Variants in WWOX observed in about 807,000 individuals in gnomAD.
The protein encoded by WWOX is WW domain-containing oxidoreductase.
A neutral mutation model predicts 46.2 loss-of-function variants in WWOX; 69 were observed. That is an observed-to-expected ratio of 1.49 (90% CI 1.23 to 1.82). The LOEUF (loss-of-function observed/expected upper bound fraction) is 1.82, where lower values mean the gene tolerates loss of function less well. Among genes scored for constraint, WWOX ranks in the 40% most tolerant of loss-of-function variants. The pLI is 0.00. For missense variants in WWOX, 919 were observed against 542.6 expected, an observed-to-expected ratio of 1.69 and a Z score of -6.89; for synonymous variants, 359 against 202.6, an observed-to-expected ratio of 1.77 and a Z score of -6.56.
intron 8 of WWOX, among the ~76,000 whole-genome samples, chr16:78,984,845 A>G (rs1053879279): frequency 2.0e-5 from 3 of 152,196 alleles, no homozygotes; most frequent in African/African-American, 7.2e-5. Context: ...AGAAAGGAGA[A>G]AGACGAGGAA....
intron 8 of WWOX, among the ~76,000 whole-genome samples, chr16:78,571,658 C>T (rs967341115): frequency 3.9e-5 from 6 of 152,112 alleles, no homozygotes; most frequent in Admixed American, 3.3e-4. Context: ...TACTTGAGGT[C>T]AGAAGCTCCA....
At chr16:78,667,041 C>T (rs1344755066) in intron 8 of WWOX, among the ~76,000 whole-genome samples, 1 of 152,186 alleles carries the variant, frequency 6.6e-6, no homozygotes, top group African/African-American at 2.4e-5. Flanking sequence ...AATTAAAAGT[C>T]TCTTACATAA....
intron 8 of WWOX, among the ~76,000 whole-genome samples, chr16:78,751,599 C>G (rs555330058): frequency 2.6e-5 from 4 of 151,472 alleles, no homozygotes; most frequent in South Asian, 2.1e-4. Context: ...ATTCTTCCAT[C>G]AGTCATGCAT....
chr16:79,050,679 T>A (rs1038673515), intron 8 of WWOX, among the ~76,000 whole-genome samples: 1 of 152,078 alleles, frequency 6.6e-6, no homozygotes, highest in Non-Finnish European at 1.5e-5. Flanking sequence ...TGACATGACT[T>A]CCGTTACAAT....
At position 78,150,848 on chromosome 16, in the gene WWOX, C is replaced by T. The variant is rs72804914; in HGVS notation, c.410-13335C>T. On this transcript the variant is annotated intron_variant, in intron 4 of 8. Coordinates refer to ENST00000566780, the MANE Select transcript of WWOX (RefSeq NM_016373.4). ...AATTGTGAATAATAAAAGACTCTCCCCTCACCCACATTGCTCAGAAAATTT... is the reference window on the plus strand; with the variant it reads ...AATTGTGAATAATAAAAGACTCTCCTCTCACCCACATTGCTCAGAAAATTT... Among the ~76,000 whole-genome samples the T allele has an allele frequency of 3.2e-3, 485 of 152,156 alleles. 4 individuals are homozygous for T. The highest frequency in any genetic ancestry group is 5.7e-3 in the Non-Finnish European group (388 of 68,010).
intron 5 of WWOX, among the ~76,000 whole-genome samples, chr16:78,215,815 A>G (rs948694801): frequency 1.3e-5 from 2 of 151,786 alleles, no homozygotes; most frequent in South Asian, 2.1e-4. Context: ...AATCCCAGCT[A>G]TTTGGGACCC....
chr16:78,749,887 C>A (rs1169050734), intron 8 of WWOX, among the ~76,000 whole-genome samples: 7 of 152,136 alleles, frequency 4.6e-5, no homozygotes, highest in Admixed American at 3.9e-4. Flanking sequence ...GTTTGACTTT[C>A]TTCACTTTGA....
At chr16:79,174,840 A>G (rs546401330) in intron 8 of WWOX, among the ~76,000 whole-genome samples, 1 of 152,246 alleles carries the variant, frequency 6.6e-6, no homozygotes, top group Non-Finnish European at 1.5e-5. Context: ...TAAAAAGATG[A>G]TGAATAAAGT....
chr16:78,508,550 A>G (rs1213599070), intron 8 of WWOX, among the ~76,000 whole-genome samples: 1 of 152,156 alleles, frequency 6.6e-6, no homozygotes, highest in African/African-American at 2.4e-5. Context: ...CCTCACACCC[A>G]GTCCCTATTC....
chr16:78,645,166 G>C lies in WWOX; in HGVS notation c.1056+212414G>C, dbSNP rs7189040. Among the ~76,000 whole-genome samples, 11 of 152,026 alleles carry C rather than the reference G, an allele frequency of 7.2e-5. No individual in the cohort carries two copies. The South Asian group carries it at 2.1e-3, about 29-fold the overall frequency. On this transcript the variant is annotated intron_variant, in intron 8 of 8. Transcript: ENST00000566780. ...AGAATCTGTCAAGCTCTTTCCTATC[G>C]AAGGGTTTTTTCCATGTACTGGTTT...
intron 8 of WWOX, among the ~76,000 whole-genome samples, chr16:78,434,118 G>A (rs1490836086): frequency 6.6e-6 from 1 of 152,182 alleles, no homozygotes; most frequent in Admixed American, 6.5e-5. Context: ...CACATCAAAA[G>A]TCTTTTGAAG....
chr16:79,169,045 C>T (rs916389171), intron 8 of WWOX, among the ~76,000 whole-genome samples: 6 of 152,184 alleles, frequency 3.9e-5, no homozygotes, highest in Non-Finnish European at 7.3e-5. Flanking sequence ...CTATTAGATA[C>T]AAATTAATAC....
At chr16:78,966,609 G>C (rs1487983930) in intron 8 of WWOX, among the ~76,000 whole-genome samples, 1 of 151,810 alleles carries the variant, frequency 6.6e-6, no homozygotes, top group Non-Finnish European at 1.5e-5. Context: ...TGAATGTTTT[G>C]AATCAATAAA....
chr16:78,694,981 A>G (rs1335134190), intron 8 of WWOX, among the ~76,000 whole-genome samples: 3 of 152,188 alleles, frequency 2.0e-5, no homozygotes, highest in African/African-American at 4.8e-5. Flanking sequence ...GCCCCAGTCT[A>G]TTCCAATACC....
At chr16:78,607,493 G>C (rs557900473) in intron 8 of WWOX, among the ~76,000 whole-genome samples, 1 of 152,216 alleles carries the variant, frequency 6.6e-6, no homozygotes, top group East Asian at 1.9e-4. Context: ...ATTTTTATTG[G>C]TGCTAAGGGC....
At chr16:79,196,321 A>G (rs928023583) in intron 8 of WWOX, 2 of 152,206 alleles carry the variant, frequency 1.3e-5, no homozygotes, top group African/African-American at 4.8e-5. Flanking sequence ...GACCAAGTTG[A>G]AAAATGCTTA....
chr16:78,118,123 G>A (rs2151678991), intron 4 of WWOX, among the ~76,000 whole-genome samples: 1 of 151,596 alleles, frequency 6.6e-6, no homozygotes, highest in East Asian at 1.9e-4. Flanking sequence ...TAAAGAAGGG[G>A]ACATCCCTCC....
intron 8 of WWOX, among the ~76,000 whole-genome samples, chr16:78,935,868 C>G (rs2045726478): frequency 6.6e-6 from 1 of 152,010 alleles, no homozygotes; most frequent in Non-Finnish European, 1.5e-5. Context: ...GCTCACATCA[C>G]ACCACTGCAC....
intron 8 of WWOX, among the ~76,000 whole-genome samples, chr16:78,996,660 C>G (rs937560330): frequency 1.3e-5 from 2 of 152,018 alleles, no homozygotes; most frequent in African/African-American, 4.8e-5. Flanking sequence ...TGCTCTACAT[C>G]CCCCCAAAAT....
Sources: gnomAD v4.1 joint callset for allele counts (sites outside exome capture counted in the v4.1 genomes callset) on GRCh38, gnomAD v4.1.1 for gene constraint, MANE v1.5 for transcripts, NCBI Gene and HGNC (gene_info 2026-07-23, HGNC 2026-07-21) for gene names.